The following ACSF2 variants were observed in gnomAD, a reference collection of about 807,000 sequenced individuals.
ACSF2 encodes the protein acyl-CoA synthetase family member 2, also known as medium-chain acyl-CoA ligase ACSF2, mitochondrial.
In ACSF2, 52 loss-of-function variants were observed where a neutral mutation model predicts 79.3. The ratio of observed to expected loss-of-function variants is 0.66; its 90% CI spans 0.53 to 0.83. The LOEUF is 0.83. ACSF2 is among the 40% of genes least tolerant of loss of function. The pLI is 0.00. For missense variants in ACSF2, 661 were observed against 803.3 expected (o/e 0.82, Z 2.14); for synonymous variants, 283 against 312.6 (o/e 0.91, Z 1.00).
intron 1 of ACSF2, among the ~76,000 whole-genome samples, chr17:50,440,631 C>T (rs1214385931): frequency 2.6e-5 from 4 of 152,260 alleles, no homozygotes; most frequent in African/African-American, 9.6e-5. Context: ...TAGCCCCCGA[C>T]TTTAGTTGCC....
intron 12 of ACSF2, chr17:50,473,061 GC>G (rs2143813348): frequency 6.4e-6 from 1 of 155,240 alleles, no homozygotes; most frequent in East Asian, 1.9e-4. Flanking sequence ...TTTGAGACCA[GC>G]CTGGCCAACA....
At chr17:50,432,741 G>A (rs11656959) in intron 1 of ACSF2, among the ~76,000 whole-genome samples, 36,598 of 152,104 alleles carry the variant, frequency 0.24, 4,910 homozygotes, top group Non-Finnish European at 0.31. Context: ...GTTAGTTGAC[G>A]GGAAAGCAAA....
chr17:50,426,511 C>A lies in ACSF2; in HGVS notation c.128+122C>A. ...GTGCACTGGGGGGAAGGTACCCGCCCCTCCCCCGCCCCCCGCCAGCACCTA... is the reference window on the plus strand; with the variant it reads ...GTGCACTGGGGGGAAGGTACCCGCCACTCCCCCGCCCCCCGCCAGCACCTA... On this transcript the variant is annotated intron_variant, in intron 1 of 15. Transcript: ENST00000300441. 7 of 1,162,054 alleles carry A rather than the reference C, an allele frequency of 6.0e-6. No homozygotes were observed. In the East Asian group the frequency reaches 2.2e-4, roughly 36 times the overall value. 72.0% of individuals were successfully genotyped at this position (1,162,054 alleles called of 1,614,324 possible).
At position 50,426,257 on chromosome 17, in the gene ACSF2, G is replaced by A. The variant is rs769405197; in HGVS notation, c.-5G>A. The A allele has an allele frequency of 1.5e-6, 2 of 1,357,250 alleles. No homozygotes were observed. Among genetic ancestry groups the A allele is most frequent in the African/African-American group, 3.0e-5 (2 of 66,578 alleles). The allele number at this position is 1,357,250 out of a possible 1,614,324, so 84.1% of individuals were successfully genotyped here. A position where few individuals can be genotyped will look rare whatever the true frequency, so the allele number is the denominator to read the frequency against. ...CTCGGGCCGGGACGCAGGGCAAAGC[G>A]AGCCATGGCTGTCTACGTCGGGATG... is the stretch of plus-strand genomic sequence containing the variant. On this transcript the variant is annotated 5_prime_UTR_variant, in exon 1 of 16. Transcript: ENST00000300441.
intron 1 of ACSF2, among the ~76,000 whole-genome samples, chr17:50,443,497 A>C (rs1034244972): frequency 6.6e-6 from 1 of 152,202 alleles, no homozygotes; most frequent in African/African-American, 2.4e-5. Context: ...TAAGAAAAGA[A>C]TTTGCTACCA....
chr17:50,472,569 T>C lies in ACSF2; in HGVS notation c.1465T>C (p.Tyr489His). Residue 489 changes from tyrosine (Y) to histidine (H), a missense_variant, in exon 12 of 16, where the codon TAT becomes CAT. Tyr to His is a moderately conservative substitution (Grantham distance 83). Coordinates refer to ENST00000300441, the MANE Select transcript of ACSF2 (RefSeq NM_025149.6). ...GGAAGCAGTGGATCAGGACAAGTGGTATTGGACAGGGTGAGAAGGCAGGGC... is the reference window on the plus strand; with the variant it reads ...GGAAGCAGTGGATCAGGACAAGTGGCATTGGACAGGGTGAGAAGGCAGGGC... ...TEEAVDQDKW[Y>H]WTGDVATMNE... 1 of 1,600,134 alleles carries C rather than the reference T, an allele frequency of 6.2e-7. No homozygotes were observed. Among genetic ancestry groups the C allele is most frequent in the Non-Finnish European group, 8.5e-7 (1 of 1,173,614 alleles).
intron 1 of ACSF2, among the ~76,000 whole-genome samples, chr17:50,453,554 C>T (rs575908309): frequency 9.9e-5 from 15 of 152,216 alleles, no homozygotes; most frequent in African/African-American, 3.1e-4. Flanking sequence ...CAAAGAAACC[C>T]AAACTGAGAG....
intron 1 of ACSF2, among the ~76,000 whole-genome samples, chr17:50,431,031 G>A (rs1213995624): frequency 2.0e-5 from 3 of 152,180 alleles, no homozygotes; most frequent in African/African-American, 7.2e-5. Context: ...GAAGTGTTAT[G>A]GGTGGTAACC....
At position 50,462,207 on chromosome 17, in the gene ACSF2, C is replaced by T. The variant is rs764263233; in HGVS notation, c.531C>T (p.Phe177=). 3 of 1,613,842 alleles carry T rather than the reference C, an allele frequency of 1.9e-6. No individual in the cohort carries two copies. Among genetic ancestry groups the T allele is most frequent in the Non-Finnish European group, 2.5e-6 (3 of 1,179,998 alleles). The stretch of plus-strand genomic sequence containing the variant: ...AGGTGGGCTGCAAGGCCCTTGTGTT[C>T]CCCAAGCAATTCAAGACCCAGCAAT... ...LKKVGCKALV[F]PKQFKTQQYY... Residue 177 remains phenylalanine, a synonymous_variant, in exon 5 of 16, where the codon TTC becomes TTT. Coordinates refer to ENST00000300441, the MANE Select transcript of ACSF2 (RefSeq NM_025149.6).
chr17:50,466,920 AGAAGG>A (rs1321315874), intron 10 of ACSF2, among the ~76,000 whole-genome samples: 1 of 152,220 alleles, frequency 6.6e-6, no homozygotes, highest in Non-Finnish European at 1.5e-5. Flanking sequence ...GCAGGGCTGA[AGAAGG>A]GCAGGCTTGA....
rs189853402 is a variant in ACSF2 at position 50,436,903 on chromosome 17, A to G, written c.128+10514A>G. 2.5e-3 allele frequency among the ~76,000 whole-genome samples: 386 copies of G among 152,346 alleles called. 2 individuals carry two copies. The highest frequency in any genetic ancestry group is 8.9e-3 in the African/African-American group (369 of 41,568). On this transcript the variant is annotated intron_variant, in intron 1 of 15. Transcript: ENST00000300441. ...ACAATAGTTGCACATTGTAACTAGT[A>G]TAAATATATCACCTATTTATTCAGG...
chr17:50,468,370 G>C, intron 10 of ACSF2: 2 of 1,614,168 alleles, frequency 1.2e-6, no homozygotes. Context: ...AGATGAAGAG[G>C]TTGACCAGCG....
intron 1 of ACSF2, among the ~76,000 whole-genome samples, chr17:50,448,958 A>C (rs567639486): frequency 1.3e-5 from 2 of 148,552 alleles, no homozygotes; most frequent in Admixed American, 6.7e-5. Context: ...TTCACAAACT[A>C]TGTATGTATT....
At position 50,463,860 on chromosome 17, in the gene ACSF2, T is replaced by A. The variant is rs779669695; in HGVS notation, c.1089T>A (p.Ile363=). Residue 363 remains isoleucine, a synonymous_variant, in exon 9 of 16, where the codon ATT becomes ATA. Transcript: ENST00000300441. This position sits in a 1 kb window ranked among gnomAD's most constrained non-coding sequence, Gnocchi z 4.6. Reference sequence around the variant, plus strand: ...GTACCCCCACGATGTTCGTGGACATTCTGAACCAGCCAGACTTCTCCAGTT... The same window carrying A: ...GTACCCCCACGATGTTCGTGGACATACTGAACCAGCCAGACTTCTCCAGTT... ...LYGTPTMFVD[I]LNQPDFSSYD... is the part of the protein sequence containing the mutation. 1 of 1,614,058 alleles carries A rather than the reference T, an allele frequency of 6.2e-7. No individual in the cohort carries two copies. The highest frequency in any genetic ancestry group is 1.1e-5 in the South Asian group (1 of 91,078).
intron 11 of ACSF2, 92 bp from the exon 12 acceptor site, chr17:50,472,336 T>G: frequency 1.9e-5 from 27 of 1,448,408 alleles, no homozygotes; most frequent in South Asian, 5.4e-5. Context: ...GGTTGGGGGG[T>G]TGGGGGCAGG....
intron 1 of ACSF2, among the ~76,000 whole-genome samples, chr17:50,429,526 T>A (rs1342909459): frequency 6.6e-6 from 1 of 151,832 alleles, no homozygotes; most frequent in African/African-American, 2.4e-5. Context: ...TTTTTCTTTT[T>A]TTTTTATTTG....
chr17:50,463,637 C>G lies in ACSF2; in HGVS notation c.1046+85C>G. On this transcript the variant is annotated intron_variant, in intron 8 of 15. Coordinates refer to ENST00000300441, the MANE Select transcript of ACSF2 (RefSeq NM_025149.6). This position sits in a 1 kb window ranked among gnomAD's most constrained non-coding sequence, Gnocchi z 4.6. ...GGGCCCTGACACCTTTCCAAGCTGC[C>G]TCCTCCCTCCAGCCAGGAGACTGAG... is the stretch of plus-strand genomic sequence containing the variant. The G allele has an allele frequency of 1.3e-6, 2 of 1,563,612 alleles. No homozygotes were observed. The highest frequency in any genetic ancestry group is 8.7e-7 in the Non-Finnish European group (1 of 1,150,488).
intron 1 of ACSF2, among the ~76,000 whole-genome samples, chr17:50,443,749 T>C (rs917610813): frequency 6.6e-6 from 1 of 152,240 alleles, no homozygotes; most frequent in African/African-American, 2.4e-5. Context: ...CTCTGGTATA[T>C]TTCTCCACAT....
intron 5 of ACSF2, 28 bp from the exon 6 acceptor site, chr17:50,462,391 CT>C (rs1340651575): frequency 6.2e-7 from 1 of 1,611,908 alleles, no homozygotes; most frequent in Admixed American, 1.7e-5. Flanking sequence ...CCCTCAGCCC[CT>C]GTCTCTCACC....
Sources: allele counts gnomAD v4.1 joint callset (sites outside exome capture counted in the v4.1 genomes callset), GRCh38; gene constraint gnomAD v4.1.1; non-coding constraint Gnocchi (gnomAD v3.1); transcripts MANE v1.5; gene names NCBI Gene and HGNC (gene_info 2026-07-23, HGNC 2026-07-21).